GABRA3: variants seen among roughly 807,000 people sequenced by gnomAD.
The protein encoded by GABRA3 is gamma-aminobutyric acid receptor subunit alpha-3.
A neutral mutation model predicts 30.1 loss-of-function variants in GABRA3; 10 were observed. That is an observed-to-expected ratio of 0.33 (90% confidence interval 0.20 to 0.56). The LOEUF is 0.56. GABRA3 is among the 20% of genes least tolerant of loss of function. The probability of loss-of-function intolerance (pLI) is 0.89; values close to 1 mark genes in which losing one functional copy is unlikely to be tolerated. For synonymous variants in GABRA3, 151 were observed against 146.8 expected (o/e 1.03, Z -0.21); for missense variants, 233 against 392.0 (o/e 0.59, Z 3.42).
At chrX:152,349,362 T>C (rs1238992753) in intron 2 of GABRA3, among the ~76,000 whole-genome samples, 1 of 110,317 alleles carries the variant, frequency 9.1e-6, no homozygotes, top group Non-Finnish European at 1.9e-5. Flanking sequence ...TGCCAAAATG[T>C]AAACACCATC....
chrX:152,344,312 T>C (rs1315231634), intron 3 of GABRA3, among the ~76,000 whole-genome samples: 4 of 111,988 alleles, frequency 3.6e-5, no homozygotes, highest in African/African-American at 1.3e-4. Flanking sequence ...CAAAATAGTC[T>C]ATTGAAATGA....
chrX:152,436,731 A>C lies in GABRA3; in HGVS notation c.-27+14415T>G, dbSNP rs144778515. On this transcript the variant is annotated intron_variant, in intron 1 of 9. Coordinates refer to ENST00000370314, the MANE Select transcript of GABRA3 (RefSeq NM_000808.4). The stretch of plus-strand genomic sequence containing the variant: ...AACATTACCTTGCTCCAAAGGCAAA[A>C]GTCATCTAAACATGCACCAAAGACA... Among the ~76,000 whole-genome samples the C allele has an allele frequency of 9.6e-3, 1,073 of 111,650 alleles. 6 individuals are homozygous for C. The highest frequency in any genetic ancestry group is 0.051 in the Middle Eastern group (11 of 216).
At chrX:152,174,458 T>G (rs1937046382) in intron 9 of GABRA3, among the ~76,000 whole-genome samples, 1 of 111,926 alleles carries the variant, frequency 8.9e-6, no homozygotes, top group Non-Finnish European at 1.9e-5. Flanking sequence ...ACCTGTTGTT[T>G]CCTGACTTTT....
chrX:152,449,779 T>C (rs1304583157), intron 1 of GABRA3, among the ~76,000 whole-genome samples: 1 of 112,044 alleles, frequency 8.9e-6, no homozygotes, highest in East Asian at 2.8e-4. Flanking sequence ...TGGAACCAGG[T>C]TGCCAGTTTA....
At chrX:152,211,467 A>G (rs762326034) in intron 6 of GABRA3, among the ~76,000 whole-genome samples, 173 of 111,355 alleles carry the variant, frequency 1.6e-3, no homozygotes, top group Non-Finnish European at 2.4e-3. Context: ...ATTTGAGGAG[A>G]AAAAAATACC....
At chrX:152,339,124 A>G (rs1327473525) in intron 3 of GABRA3, among the ~76,000 whole-genome samples, 1 of 111,177 alleles carries the variant, frequency 9.0e-6, no homozygotes, top group Non-Finnish European at 1.9e-5. Flanking sequence ...TTTGGGTAGT[A>G]TTGTCATTTT....
At chrX:152,307,659 G>A (rs1939740368) in intron 3 of GABRA3, among the ~76,000 whole-genome samples, 1 of 111,528 alleles carries the variant, frequency 9.0e-6, no homozygotes, top group Admixed American at 9.5e-5. Context: ...GCATTAAGAG[G>A]GGACAGAGGG....
intron 5 of GABRA3, among the ~76,000 whole-genome samples, chrX:152,241,153 T>G (rs1486164771): frequency 9.9e-6 from 1 of 101,242 alleles, no homozygotes; most frequent in African/African-American, 3.5e-5. Context: ...TCTTTGATGA[T>G]GGTGATGTAC....
At chrX:152,176,534 G>A in intron 9 of GABRA3, among the ~76,000 whole-genome samples, 1 of 111,154 alleles carries the variant, frequency 9.0e-6, no homozygotes, top group South Asian at 3.8e-4. Context: ...TTGGGGGCAG[G>A]TAAGAAAAAT....
intron 1 of GABRA3, among the ~76,000 whole-genome samples, chrX:152,442,988 AGAT>A (rs199538344): frequency 0.011 from 1,264 of 112,176 alleles, 13 homozygotes; most frequent in African/African-American, 0.038. Context: ...ACAAATGAAA[AGAT>A]AAATATAATT....
chrX:152,210,152 AT>A (rs761690083), intron 6 of GABRA3, among the ~76,000 whole-genome samples: 10 of 111,922 alleles, frequency 8.9e-5, no homozygotes, highest in East Asian at 2.8e-4. Context: ...TTCATTGTGC[AT>A]TTTTTCTATA....
chrX:152,338,484 C>T lies in GABRA3; in HGVS notation c.262+7097G>A. On this transcript the variant is annotated intron_variant, in intron 3 of 9. Transcript: ENST00000370314. The stretch of plus-strand genomic sequence containing the variant: ...ATATTTTCTCCCATTTTGTGGGTGT[C>T]TCTTCACTTTATTGGTTGTTTCCTT... Among the ~76,000 whole-genome samples, 2 of 111,821 alleles carry T rather than the reference C, an allele frequency of 1.8e-5. 1 individual carries two copies. The highest frequency in any genetic ancestry group is 9.2e-3 in the Middle Eastern group (2 of 218).
chrX:152,345,602 G>A lies in GABRA3; in HGVS notation c.241C>T (p.Arg81Trp), dbSNP rs765716874. The A allele has an allele frequency of 1.7e-6, 2 of 1,208,382 alleles. No homozygotes were observed. The highest frequency in any genetic ancestry group is 2.2e-6 in the Non-Finnish European group (2 of 894,059). ...TGACCTCCAAGCCCAGGTCGCAGCC[G>A]GTTGTCATAGCCGTCCAGAAGACGA... Reference protein sequence around the residue: ...LDRLLDGYDNRLRPGLGDAVT... With the variant: ...LDRLLDGYDNWLRPGLGDAVT... Residue 81 changes from arginine (R) to tryptophan (W), a missense_variant, in exon 3 of 10, where the codon CGG (arginine) becomes TGG (tryptophan). Arg to Trp is a moderately radical substitution (Grantham distance 101). Coordinates refer to ENST00000370314, the MANE Select transcript of GABRA3 (RefSeq NM_000808.4).
intron 1 of GABRA3, among the ~76,000 whole-genome samples, chrX:152,368,924 C>G (rs928656685): frequency 2.1e-4 from 23 of 110,770 alleles, no homozygotes; most frequent in African/African-American, 6.9e-4. Flanking sequence ...CCAGGATTGT[C>G]TCGATCTCCT....
chrX:152,169,797 A>G (rs1246694272), intron 9 of GABRA3, among the ~76,000 whole-genome samples: 1 of 111,604 alleles, frequency 9.0e-6, no homozygotes, highest in Non-Finnish European at 1.9e-5. Flanking sequence ...TTTGCTTCCC[A>G]GAACCCAGGC....
At chrX:152,260,022 G>A (rs1236537671) in intron 4 of GABRA3, among the ~76,000 whole-genome samples, 2 of 110,384 alleles carry the variant, frequency 1.8e-5, no homozygotes, top group Non-Finnish European at 1.9e-5. Flanking sequence ...CCTGAAAGGT[G>A]AGTCCCAGGC....
chrX:152,428,873 G>A (rs773253453), intron 1 of GABRA3, among the ~76,000 whole-genome samples: 5 of 111,598 alleles, frequency 4.5e-5, no homozygotes, highest in Non-Finnish European at 9.4e-5. Flanking sequence ...GCTGAAAACT[G>A]AGAAAGATGG....
chrX:152,223,371 T>G (rs1324978996), intron 6 of GABRA3, among the ~76,000 whole-genome samples: 1 of 112,028 alleles, frequency 8.9e-6, no homozygotes. Flanking sequence ...ACTTATATCA[T>G]TTTAAAAATT....
At chrX:152,420,580 A>C (rs1199196468) in intron 1 of GABRA3, among the ~76,000 whole-genome samples, 1 of 111,488 alleles carries the variant, frequency 9.0e-6, no homozygotes, top group East Asian at 2.8e-4. Context: ...ATTTGTAAAA[A>C]TAATAATTAT....
Sources: gnomAD v4.1 joint callset for allele counts (sites outside exome capture counted in the v4.1 genomes callset) on GRCh38, gnomAD v4.1.1 for gene constraint, MANE v1.5 for transcripts, NCBI Gene and HGNC (gene_info 2026-07-23, HGNC 2026-07-21) for gene names.